Variants in DMRT3 observed in about 807,000 individuals in gnomAD.
The protein encoded by DMRT3 is doublesex and mab-3 related transcription factor 3.
In DMRT3, 29 loss-of-function variants were observed where a neutral mutation model predicts 34.9. That is an observed-to-expected ratio of 0.83 (90% CI 0.62 to 1.13). The LOEUF is 1.13. Ranked by LOEUF, DMRT3 falls within the 50% of genes most tolerant of loss-of-function variation. The pLI is 0.00. For missense variants in DMRT3, 772 were observed against 629.1 expected (o/e 1.23, Z -2.43); for synonymous variants, 350 against 286.0 (o/e 1.22, Z -2.26).
intron 1 of DMRT3, among the ~76,000 whole-genome samples, chr9:983,926 A>G (rs1363605116): frequency 7.0e-6 from 1 of 143,506 alleles, no homozygotes; most frequent in African/African-American, 2.7e-5. Context: ...TTTTTTTTTA[A>G]CTTTTCACAA....
intron 1 of DMRT3, among the ~76,000 whole-genome samples, chr9:978,727 G>T (rs1820181546): frequency 6.6e-6 from 1 of 152,198 alleles, no homozygotes; most frequent in Admixed American, 6.5e-5. Flanking sequence ...CAGGCCTGAA[G>T]CTCTGAGAAC....
At chr9:989,980 G>A in intron 1 of DMRT3, 61 bp from the exon 2 acceptor site, 1 of 1,584,740 alleles carries the variant, frequency 6.3e-7, no homozygotes. Context: ...TCTCTTCTGA[G>A]CACATCTGCT....
rs1586687447 is a variant in DMRT3 at position 990,889 on chromosome 9, A to T, written c.1303A>T (p.Ile435Phe). 1 of 1,614,096 alleles carries T rather than the reference A, an allele frequency of 6.2e-7. No homozygotes were observed. The highest frequency in any genetic ancestry group is 2.2e-5 in the East Asian group (1 of 44,866). Residue 435 changes from isoleucine (I) to phenylalanine (F), a missense_variant, in exon 2 of 2, where the codon ATT (isoleucine) becomes TTT (phenylalanine). Transcript: ENST00000190165. The stretch of plus-strand genomic sequence containing the variant: ...TGCCCGCGCCACGGAAGACCCTCGG[A>T]TTTCCATCCCTGATGATGGGTGTCC... ...LPARATEDPR[I>F]SIPDDGCPFV...
At chr9:981,609 C>T (rs1586683005) in intron 1 of DMRT3, among the ~76,000 whole-genome samples, 1 of 152,252 alleles carries the variant, frequency 6.6e-6, no homozygotes, top group Admixed American at 6.5e-5. Context: ...CCGGTCTTCC[C>T]AGCTCTTGGC....
Position 991,017 on chromosome 9 carries a change from A to G in DMRT3, c.*12A>G, listed in dbSNP as rs766687818. On this transcript the variant is annotated 3_prime_UTR_variant, in exon 2 of 2. Transcript: ENST00000190165. ...ACACATCATCTTAAAGTGGTGCTGG[A>G]TGGGTGGTGGCCAGGTGACATTTTC... The G allele has an allele frequency of 1.3e-6, 2 of 1,595,946 alleles. No homozygotes were observed. Among genetic ancestry groups the G allele is most frequent in the African/African-American group, 1.3e-5 (1 of 74,598 alleles).
At position 976,948 on chromosome 9, in the gene DMRT3, G is replaced by A. The variant is rs1470288342; in HGVS notation, c.-54G>A. 3 of 1,389,682 alleles carry A rather than the reference G, an allele frequency of 2.2e-6. No homozygotes were observed. The highest frequency in any genetic ancestry group is 1.9e-6 in the Non-Finnish European group (2 of 1,068,710). 86.1% of individuals were successfully genotyped at this position (1,389,682 alleles called of 1,614,324 possible). A position where few individuals can be genotyped will look rare whatever the true frequency, so the allele number is the denominator to read the frequency against. On this transcript the variant is annotated 5_prime_UTR_variant, in exon 1 of 2. Transcript: ENST00000190165. The surrounding 1 kb of genome is among the most constrained non-coding windows in gnomAD (Gnocchi z 4.5). ...GGGCCTCGCAGCCCCGCCGTCCAGCGCTCCCTGGCCCTCTCCCGCAGCCAG... is the reference window on the plus strand; with the variant it reads ...GGGCCTCGCAGCCCCGCCGTCCAGCACTCCCTGGCCCTCTCCCGCAGCCAG...
chr9:976,890 A>G lies in DMRT3; in HGVS notation c.-112A>G. On this transcript the variant is annotated 5_prime_UTR_variant, in exon 1 of 2. Coordinates refer to ENST00000190165, the MANE Select transcript of DMRT3 (RefSeq NM_021240.4). This position sits in a 1 kb window ranked among gnomAD's most constrained non-coding sequence, Gnocchi z 4.5. Reference sequence around the variant, plus strand: ...ACACGACCACCGGGGCTGCGGGACCAAGGGCCGCGTCGCCCGGAGGCCGCC... The same window carrying G: ...ACACGACCACCGGGGCTGCGGGACCGAGGGCCGCGTCGCCCGGAGGCCGCC... 1 of 1,207,972 alleles carries G rather than the reference A, an allele frequency of 8.3e-7. No homozygotes were observed. The highest frequency in any genetic ancestry group is 1.1e-6 in the Non-Finnish European group (1 of 929,404). 74.8% of individuals were successfully genotyped at this position (1,207,972 alleles called of 1,614,324 possible). A position where few individuals can be genotyped will look rare whatever the true frequency, so the allele number is the denominator to read the frequency against.
At chr9:987,027 A>G (rs1046221034) in intron 1 of DMRT3, among the ~76,000 whole-genome samples, 1 of 151,914 alleles carries the variant, frequency 6.6e-6, no homozygotes, top group Admixed American at 6.6e-5. Flanking sequence ...TGTGGCATAT[A>G]TTTTTCTTTT....
Position 990,132 on chromosome 9 carries a change from T to C in DMRT3, c.546T>C (p.Asp182=). 6.2e-7 allele frequency: 1 copy of C among 1,613,908 alleles called. No individual in the cohort carries two copies. Among genetic ancestry groups the C allele is most frequent in the Non-Finnish European group, 8.5e-7 (1 of 1,179,988 alleles). The change falls in exon 2 of 2, where the codon GAT becomes GAC. Residue 182 remains aspartate, a synonymous_variant. Transcript: ENST00000190165. ...ACACTGACCAGAGGAGTTCCCCAGA[T>C]GTGGCAAAGAGTAAGGGCTGCTTCA... The part of the protein sequence containing the change: ...DKDTDQRSSP[D]VAKSKGCFTP...
At chr9:981,750 G>A (rs540179953) in intron 1 of DMRT3, among the ~76,000 whole-genome samples, 1 of 152,328 alleles carries the variant, frequency 6.6e-6, no homozygotes, top group African/African-American at 2.4e-5. Context: ...GGCTCCTTGC[G>A]GCCGCAATGG....
At position 990,427 on chromosome 9, in the gene DMRT3, G is replaced by C; in HGVS notation, c.841G>C (p.Ala281Pro). The change falls in exon 2 of 2, where the codon GCC becomes CCC. Residue 281 changes from alanine to proline, a missense_variant. Coordinates refer to ENST00000190165, the MANE Select transcript of DMRT3 (RefSeq NM_021240.4). ...LKGCGGDLVS[A>P]VEVLLSSRSS... ...GGGCTGTGGCGGGGACCTGGTGAGC[G>C]CCGTGGAAGTCCTTCTGTCCAGCCG... is the stretch of plus-strand genomic sequence containing the variant. 1 of 1,614,094 alleles carries C rather than the reference G, an allele frequency of 6.2e-7. No individual in the cohort carries two copies. Among genetic ancestry groups the C allele is most frequent in the Non-Finnish European group, 8.5e-7 (1 of 1,180,024 alleles).
In DMRT3 at chr9:990,683, C is replaced by T. The variant is rs759101915; in HGVS notation, c.1097C>T (p.Pro366Leu). 3.7e-6 allele frequency: 6 copies of T among 1,614,014 alleles called. No homozygotes were observed. The highest frequency in any genetic ancestry group is 5.1e-6 in the Non-Finnish European group (6 of 1,180,036). Reference sequence around the variant, plus strand: ...CTGCAGCCCCCTTTCCCCCAGCCACCCCGGTACCCGCTGATGCTGAGGAAT... The same window carrying T: ...CTGCAGCCCCCTTTCCCCCAGCCACTCCGGTACCCGCTGATGCTGAGGAAT... The part of the protein sequence containing the change: ...GPLQPPFPQP[P>L]RYPLMLRNTL... The change falls in exon 2 of 2, where the codon CCC becomes CTC. Residue 366 changes from proline (P) to leucine (L), a missense_variant. Transcript: ENST00000190165.
Position 990,758 on chromosome 9 carries a change from T to C in DMRT3, c.1172T>C (p.Leu391Pro). 6.2e-7 allele frequency: 1 copy of C among 1,614,178 alleles called. No homozygotes were observed. The highest frequency in any genetic ancestry group is 1.3e-5 in the African/African-American group (1 of 75,040). Residue 391 changes from leucine (L) to proline (P), a missense_variant, in exon 2 of 2, where the codon CTG (leucine) becomes CCG (proline). Physicochemically the swap from Leu to Pro is moderately conservative, Grantham distance 98. Coordinates refer to ENST00000190165, the MANE Select transcript of DMRT3 (RefSeq NM_021240.4). ...SSPFLPNDVT[L>P]WNTMTLQQQY... ...CCCTTTTTGCCCAATGATGTCACCC[T>C]GTGGAACACCATGACGCTGCAGCAG...
rs144754138 is a variant in DMRT3, at chr9:990,550, C to T, written c.964C>T (p.Pro322Ser). 1.2e-6 allele frequency: 2 copies of T among 1,614,090 alleles called. No individual in the cohort carries two copies. The highest frequency in any genetic ancestry group is 1.7e-6 in the Non-Finnish European group (2 of 1,180,028). The change falls in exon 2 of 2, where the codon CCC becomes TCC. Residue 322 changes from proline (P) to serine (S), a missense_variant. Pro to Ser is a moderately conservative substitution (Grantham distance 74, BLOSUM62 -1). Transcript: ENST00000190165. ...HIFEHTLSSY[P>S]ISSSKWSVGS... ...CTTTGAACACACCTTGAGCTCCTAC[C>T]CCATCTCGTCTTCCAAATGGTCTGT...
chr9:983,276 TAC>T (rs1563688333), intron 1 of DMRT3, among the ~76,000 whole-genome samples: 1 of 152,228 alleles, frequency 6.6e-6, no homozygotes. Context: ...ACATAAATTT[TAC>T]AGAGCTGGGA....
At chr9:985,948 G>C (rs571993942) in intron 1 of DMRT3, among the ~76,000 whole-genome samples, 59 of 152,270 alleles carry the variant, frequency 3.9e-4, no homozygotes, top group African/African-American at 1.3e-3. Context: ...GTTGGTTTAC[G>C]CTGAATTTGT....
At chr9:988,404 C>T (rs1053156531) in intron 1 of DMRT3, among the ~76,000 whole-genome samples, 10 of 152,082 alleles carry the variant, frequency 6.6e-5, no homozygotes, top group African/African-American at 9.7e-5. Flanking sequence ...TTGTTAAAGG[C>T]CAAAGTTTTG....
chr9:988,304 T>A (rs1420685967), intron 1 of DMRT3, among the ~76,000 whole-genome samples: 1 of 152,236 alleles, frequency 6.6e-6, no homozygotes, highest in African/African-American at 2.4e-5. Flanking sequence ...TAAGTATGAA[T>A]TCCTATCAGA....
intron 1 of DMRT3, among the ~76,000 whole-genome samples, chr9:982,807 T>G (rs908711259): frequency 4.6e-5 from 7 of 152,216 alleles, no homozygotes; most frequent in Non-Finnish European, 8.8e-5. Flanking sequence ...CCTGCCCGCC[T>G]CCTCTTTCTT....
Sources: allele counts gnomAD v4.1 joint callset (sites outside exome capture counted in the v4.1 genomes callset), GRCh38; gene constraint gnomAD v4.1.1; non-coding constraint Gnocchi (gnomAD v3.1); transcripts MANE v1.5; gene names NCBI Gene and HGNC (gene_info 2026-07-23, HGNC 2026-07-21).